DSCAM: variants seen among roughly 807,000 people sequenced by gnomAD.
DSCAM encodes the protein cell adhesion molecule DSCAM.
In DSCAM, 47 loss-of-function variants were observed where a neutral mutation model predicts 217.7. The ratio of observed to expected loss-of-function variants is 0.22; its 90% CI spans 0.17 to 0.28. The LOEUF is 0.28. DSCAM is among the 10% of genes least tolerant of loss of function. DSCAM has a pLI of 1.00. For synonymous variants in DSCAM, 1,056 were observed against 1,015.3 expected (o/e 1.04, Z -0.76); for missense variants, 2,080 against 2,618.3 (o/e 0.79, Z 4.49).
At chr21:40,115,374 T>C (rs1568948228) in intron 20 of DSCAM, among the ~76,000 whole-genome samples, 1 of 151,824 alleles carries the variant, frequency 6.6e-6, no homozygotes, top group South Asian at 2.1e-4. Flanking sequence ...TGAGAACACA[T>C]GGACACAGGA....
At chr21:40,171,143 T>C (rs1215247853) in intron 15 of DSCAM, among the ~76,000 whole-genome samples, 1 of 152,202 alleles carries the variant, frequency 6.6e-6, no homozygotes, top group African/African-American at 2.4e-5. Flanking sequence ...AGTGGCACTA[T>C]CTCGACTCAC....
At chr21:40,225,632 G>C (rs986488072) in intron 11 of DSCAM, among the ~76,000 whole-genome samples, 1 of 152,132 alleles carries the variant, frequency 6.6e-6, no homozygotes, top group Non-Finnish European at 1.5e-5. Context: ...TCCATCCTGA[G>C]ATAGTGCAGA....
At chr21:40,713,562 A>T (rs374601484) in intron 1 of DSCAM, among the ~76,000 whole-genome samples, 1 of 152,178 alleles carries the variant, frequency 6.6e-6, no homozygotes, top group Non-Finnish European at 1.5e-5. Context: ...AAATATATCA[A>T]TAAATATGTT....
rs116438697 is a variant in DSCAM at position 40,759,099 on chromosome 21, G to T, written c.44-50328C>A. The stretch of plus-strand genomic sequence containing the variant: ...GCACAAAAAGGAGAGGGAGAGAAGG[G>T]TAGAGAGAAGGGACACATAGCTCCT... On this transcript the variant is annotated intron_variant, in intron 1 of 32. Coordinates refer to ENST00000400454, the MANE Select transcript of DSCAM (RefSeq NM_001389.5). Among the ~76,000 whole-genome samples, 702 of 152,218 alleles carry T rather than the reference G, an allele frequency of 4.6e-3. 7 individuals are homozygous for T. Among genetic ancestry groups the T allele is most frequent in the African/African-American group, 0.015 (643 of 41,544 alleles).
chr21:40,531,135 C>T (rs1007447342), intron 3 of DSCAM, among the ~76,000 whole-genome samples: 5 of 152,164 alleles, frequency 3.3e-5, no homozygotes, highest in Admixed American at 6.5e-5. Flanking sequence ...TCCTTCTTGG[C>T]GTCTCGTCAA....
At chr21:40,771,969 T>C (rs998476779) in intron 1 of DSCAM, among the ~76,000 whole-genome samples, 1 of 152,238 alleles carries the variant, frequency 6.6e-6, no homozygotes, top group Non-Finnish European at 1.5e-5. Context: ...TTTCATAAAA[T>C]GTGAATACGT....
chr21:40,634,929 T>C (rs946146825), intron 3 of DSCAM, among the ~76,000 whole-genome samples: 5 of 152,190 alleles, frequency 3.3e-5, no homozygotes, highest in East Asian at 1.9e-4. Context: ...AAACATAGCA[T>C]GTTACATGTT....
intron 3 of DSCAM, among the ~76,000 whole-genome samples, chr21:40,677,960 CA>C (rs2090359514): frequency 6.8e-6 from 1 of 146,998 alleles, no homozygotes; most frequent in African/African-American, 2.5e-5. Context: ...GCAGCCCAAA[CA>C]ATCTAAGACA....
intron 32 of DSCAM, among the ~76,000 whole-genome samples, chr21:40,014,408 AAAAC>A (rs1312873309): frequency 3.3e-5 from 5 of 150,274 alleles, no homozygotes; most frequent in Admixed American, 2.0e-4. Context: ...AAAACAAAAC[AAAAC>A]AAACAAAAAA....
chr21:40,508,371 G>A (rs1030726468), intron 3 of DSCAM, among the ~76,000 whole-genome samples: 2 of 152,032 alleles, frequency 1.3e-5, no homozygotes, highest in African/African-American at 4.8e-5. Context: ...AAATCAAAAA[G>A]AGAAGGGAAA....
intron 1 of DSCAM, among the ~76,000 whole-genome samples, chr21:40,737,483 A>T: frequency 6.6e-6 from 1 of 152,150 alleles, no homozygotes. Context: ...ACTAAAAAAA[A>T]TACAAAAATT....
chr21:40,385,530 A>C (rs2075075303), intron 3 of DSCAM, among the ~76,000 whole-genome samples: 1 of 152,240 alleles, frequency 6.6e-6, no homozygotes, highest in African/African-American at 2.4e-5. Context: ...CGGCACCCAC[A>C]TAAGAGACGT....
At chr21:40,658,947 T>C (rs904563806) in intron 3 of DSCAM, among the ~76,000 whole-genome samples, 4 of 152,264 alleles carry the variant, frequency 2.6e-5, no homozygotes, top group Middle Eastern at 3.4e-3. Flanking sequence ...TGTGCACACC[T>C]CATCTGTTCT....
intron 28 of DSCAM, among the ~76,000 whole-genome samples, chr21:40,056,864 T>A (rs1384066577): frequency 3.9e-5 from 6 of 152,214 alleles, no homozygotes; most frequent in Non-Finnish European, 7.3e-5. Context: ...GAATACTCAA[T>A]GCTACATTTT....
intron 3 of DSCAM, among the ~76,000 whole-genome samples, chr21:40,689,702 G>C (rs2090518868): frequency 6.6e-6 from 1 of 152,232 alleles, no homozygotes; most frequent in African/African-American, 2.4e-5. Flanking sequence ...AGGCTGGGAT[G>C]ACTTGATAAT....
intron 3 of DSCAM, among the ~76,000 whole-genome samples, chr21:40,577,521 G>A (rs1278448158): frequency 3.9e-5 from 6 of 152,008 alleles, no homozygotes; most frequent in South Asian, 4.1e-4. Flanking sequence ...GCCCAGTGGC[G>A]TTAATATCTT....
intron 3 of DSCAM, among the ~76,000 whole-genome samples, chr21:40,463,893 A>G (rs73902638): frequency 0.078 from 11,908 of 151,984 alleles, 947 homozygotes; most frequent in African/African-American, 0.19. Flanking sequence ...GAAGGTGAGC[A>G]CCTCCTTTTC....
At chr21:40,116,713 A>C (rs117998537) in intron 20 of DSCAM, among the ~76,000 whole-genome samples, 3 of 150,860 alleles carry the variant, frequency 2.0e-5, no homozygotes, top group Admixed American at 2.0e-4. Flanking sequence ...AAAAAAAGAG[A>C]GAGATTCGAC....
At chr21:40,219,357 T>A (rs986773210) in intron 11 of DSCAM, among the ~76,000 whole-genome samples, 1 of 152,216 alleles carries the variant, frequency 6.6e-6, no homozygotes, top group African/African-American at 2.4e-5. Context: ...TCCTGCTTTT[T>A]AAAAATGCAG....
Sources: allele counts gnomAD v4.1 joint callset (sites outside exome capture counted in the v4.1 genomes callset), GRCh38; gene constraint gnomAD v4.1.1; transcripts MANE v1.5; gene names NCBI Gene and HGNC (gene_info 2026-07-23, HGNC 2026-07-21).